F8: variants seen among roughly 807,000 people sequenced by gnomAD.
The protein encoded by F8 is coagulation factor VIII, also known as antihemophilic factor.
F8 carries 12 observed loss-of-function variants against 140.6 expected under a neutral mutation model. The ratio of observed to expected loss-of-function variants is 0.09; its 90% CI spans 0.05 to 0.14. F8 has a LOEUF of 0.14. F8 is among the 10% of genes least tolerant of loss of function. The pLI is 1.00. For synonymous variants in F8, 585 were observed against 614.6 expected, an observed-to-expected ratio of 0.95 and a Z score of 0.71; for missense variants, 1,354 against 1,720.7, an observed-to-expected ratio of 0.79 and a Z score of 3.77.
At chrX:154,949,669 A>G (rs192604659) in intron 12 of F8, among the ~76,000 whole-genome samples, 1 of 111,248 alleles carries the variant, frequency 9.0e-6, no homozygotes, top group East Asian at 2.8e-4. Flanking sequence ...AAATTCCAAG[A>G]TCAAGGTATT....
chrX:154,856,465 G>A (rs1045821244), intron 25 of F8, among the ~76,000 whole-genome samples: 2 of 112,757 alleles, frequency 1.8e-5, no homozygotes, highest in African/African-American at 6.4e-5. Context: ...AGTTAGAATA[G>A]TATGACTTGC....
At chrX:155,021,450 T>C (rs1456133330) in intron 1 of F8, among the ~76,000 whole-genome samples, 1 of 111,551 alleles carries the variant, frequency 9.0e-6, no homozygotes, top group Non-Finnish European at 1.9e-5. Context: ...ATAAAATAAA[T>C]GATTTCAGCA....
At chrX:154,900,102 T>C in intron 20 of F8, 151 bp from the exon 21 acceptor site, 1 of 452,908 alleles carries the variant, frequency 2.2e-6, no homozygotes, top group Non-Finnish European at 3.8e-6. Context: ...TATCAATTAC[T>C]ATCTAAGGAT....
intron 14 of F8, among the ~76,000 whole-genome samples, chrX:154,920,752 C>A (rs1300693064): frequency 8.9e-6 from 1 of 111,933 alleles, no homozygotes; most frequent in Non-Finnish European, 1.9e-5. Context: ...CTGTGCCCAG[C>A]CTATTTTATG....
intron 25 of F8, among the ~76,000 whole-genome samples, chrX:154,849,099 G>C (rs2072594058): frequency 9.0e-6 from 1 of 110,670 alleles, no homozygotes; most frequent in African/African-American, 3.3e-5. Flanking sequence ...TCACCCTCCT[G>C]AGTAACTGGG....
chrX:154,843,773 G>A (rs1337709366), intron 25 of F8, among the ~76,000 whole-genome samples: 1 of 111,825 alleles, frequency 8.9e-6, no homozygotes, highest in East Asian at 2.8e-4. Flanking sequence ...TTCTTTTGCT[G>A]TGCGGAAGCT....
intron 24 of F8, 22 bp downstream of exon 24, chrX:154,861,696 C>T (rs1323536861): frequency 2.5e-6 from 3 of 1,210,429 alleles, no homozygotes; most frequent in African/African-American, 3.5e-5. Flanking sequence ...GTCAGTTAAA[C>T]AGTAAATCTG....
intron 13 of F8, among the ~76,000 whole-genome samples, chrX:154,942,821 G>GATC (rs1342894261): frequency 3.8e-5 from 4 of 106,049 alleles, no homozygotes; most frequent in Admixed American, 1.0e-4. Flanking sequence ...TATCCACCAT[G>GATC]ATCAAGTGGG....
At chrX:154,914,109 A>G (rs782337759) in intron 14 of F8, among the ~76,000 whole-genome samples, 2 of 112,678 alleles carry the variant, frequency 1.8e-5, no homozygotes, top group Non-Finnish European at 3.8e-5. Context: ...CTGTGCACCC[A>G]CAGAACAAAG....
intron 13 of F8, among the ~76,000 whole-genome samples, chrX:154,940,164 A>T (rs1557279625): frequency 8.9e-6 from 1 of 112,386 alleles, no homozygotes; most frequent in African/African-American, 3.2e-5. Context: ...AGCTGGATGG[A>T]GAATGACTTT....
chrX:154,942,708 A>C (rs1298273714), intron 13 of F8, among the ~76,000 whole-genome samples: 34 of 109,725 alleles, frequency 3.1e-4, no homozygotes, highest in Admixed American at 1.5e-3. Flanking sequence ...GGCAGAGACA[A>C]AACCAAAAAA....
chrX:154,921,356 G>A (rs781869597), intron 14 of F8, among the ~76,000 whole-genome samples: 2 of 111,781 alleles, frequency 1.8e-5, no homozygotes, highest in East Asian at 2.8e-4. Flanking sequence ...TTAGAATGGC[G>A]ATCATTAAAA....
At chrX:154,905,230 G>A (rs1042956743) in intron 15 of F8, among the ~76,000 whole-genome samples, 21 of 111,010 alleles carry the variant, frequency 1.9e-4, no homozygotes, top group African/African-American at 6.9e-4. Context: ...TTTAAGGTAT[G>A]AACTCAAAGT....
At chrX:154,984,439 G>A (rs1283771413) in intron 6 of F8, among the ~76,000 whole-genome samples, 1 of 111,166 alleles carries the variant, frequency 9.0e-6, no homozygotes, top group African/African-American at 3.3e-5. Context: ...ATCCTTGGTT[G>A]CCCACTCACA....
chrX:155,013,896 T>C (rs781911988), intron 1 of F8, among the ~76,000 whole-genome samples: 3 of 111,266 alleles, frequency 2.7e-5, no homozygotes, highest in African/African-American at 3.3e-5. Context: ...ACCTTCTCTC[T>C]TCTTATGAGG....
intron 22 of F8, among the ~76,000 whole-genome samples, chrX:154,872,944 A>G (rs1415478275): frequency 9.0e-6 from 1 of 111,714 alleles, no homozygotes; most frequent in Non-Finnish European, 1.9e-5. Flanking sequence ...TAGCAACAAA[A>G]GAATAAAATA....
At chrX:154,854,507 C>T (rs1336810858) in intron 25 of F8, among the ~76,000 whole-genome samples, 1 of 111,150 alleles carries the variant, frequency 9.0e-6, no homozygotes, top group Non-Finnish European at 1.9e-5. Context: ...AACTACGAAT[C>T]AGCTCTCTGG....
At position 154,904,791 on chromosome X, in the gene F8, C is replaced by T. The variant is rs1557276210; in HGVS notation, c.5586+20G>A. On this transcript the variant is annotated intron_variant, in intron 16 of 25. Transcript: ENST00000360256. ...TTCTTTTAAACCAAAAAGTGGTCAG[C>T]ACAATAGACACCTGCTTACCAGGTC... The T allele has an allele frequency of 2.5e-6, 3 of 1,198,059 alleles. No homozygotes were observed. Among genetic ancestry groups the T allele is most frequent in the South Asian group, 1.8e-5 (1 of 56,569 alleles).
chrX:154,938,835 T>A (rs972271024), intron 13 of F8, among the ~76,000 whole-genome samples: 2 of 108,708 alleles, frequency 1.8e-5, no homozygotes, highest in East Asian at 5.7e-4. Context: ...AAAATGATCA[T>A]AGATGGAAGC....
Sources: allele counts gnomAD v4.1 joint callset (sites outside exome capture counted in the v4.1 genomes callset), GRCh38; gene constraint gnomAD v4.1.1; transcripts MANE v1.5; gene names NCBI Gene and HGNC (gene_info 2026-07-23, HGNC 2026-07-21).